SMYD3: variants seen among roughly 807,000 people sequenced by gnomAD.
The protein encoded by SMYD3 is histone-lysine N-methyltransferase SMYD3.
In SMYD3, 36 loss-of-function variants were observed where a neutral mutation model predicts 57.7. The ratio of observed to expected loss-of-function variants is 0.62; its 90% CI spans 0.48 to 0.82. The LOEUF (loss-of-function observed/expected upper bound fraction) is 0.82, where lower values mean the gene tolerates loss of function less well. Among genes scored for constraint, SMYD3 ranks in the 40% least tolerant of loss-of-function variants. The pLI is 0.00. For synonymous variants in SMYD3, 211 were observed against 195.0 expected (o/e 1.08, Z -0.68); for missense variants, 515 against 538.8 (o/e 0.96, Z 0.44).
At chr1:246,020,341 G>C (rs554882198) in intron 5 of SMYD3, among the ~76,000 whole-genome samples, 2 of 152,180 alleles carry the variant, frequency 1.3e-5, no homozygotes, top group African/African-American at 4.8e-5. Context: ...ACATTGGGGA[G>C]GCTTCTTGTG....
chr1:246,332,017 T>G (rs567094732), intron 3 of SMYD3, among the ~76,000 whole-genome samples: 4 of 152,200 alleles, frequency 2.6e-5, no homozygotes, highest in African/African-American at 4.8e-5. Context: ...TTCCCTCTCC[T>G]CAGGCCTCTG....
At chr1:246,466,052 G>A (rs553623434) in intron 1 of SMYD3, among the ~76,000 whole-genome samples, 6 of 152,338 alleles carry the variant, frequency 3.9e-5, no homozygotes, top group South Asian at 2.1e-4. Context: ...GATTAGAGGC[G>A]TGAGCCACTG....
intron 5 of SMYD3, among the ~76,000 whole-genome samples, chr1:245,933,015 A>G (rs79778020): frequency 0.012 from 1,844 of 152,302 alleles, 39 homozygotes; most frequent in African/African-American, 0.042. Context: ...TTTGACATAC[A>G]CAACTGATAG....
intron 5 of SMYD3, among the ~76,000 whole-genome samples, chr1:245,963,299 T>C (rs1448297498): frequency 1.3e-5 from 2 of 152,274 alleles, no homozygotes; most frequent in Non-Finnish European, 2.9e-5. Flanking sequence ...AATTCTTAGA[T>C]CTGCCAAAGA....
chr1:246,281,772 T>A (rs1286343329), intron 5 of SMYD3, among the ~76,000 whole-genome samples: 1 of 152,200 alleles, frequency 6.6e-6, no homozygotes, highest in East Asian at 1.9e-4. Flanking sequence ...AAGGCTTTGA[T>A]TCCTGAGCAC....
intron 1 of SMYD3, among the ~76,000 whole-genome samples, chr1:246,375,774 G>C (rs1480621049): frequency 6.6e-6 from 1 of 152,100 alleles, no homozygotes; most frequent in South Asian, 2.1e-4. Context: ...CTGTCACTCA[G>C]GCTGGAGTGC....
intron 10 of SMYD3, among the ~76,000 whole-genome samples, chr1:245,794,895 T>C (rs2047456521): frequency 1.3e-5 from 2 of 152,222 alleles, no homozygotes; most frequent in Non-Finnish European, 2.9e-5. Flanking sequence ...ATATTATCCA[T>C]TTTTTTCTCT....
At chr1:246,232,567 CT>C (rs2063430689) in intron 5 of SMYD3, among the ~76,000 whole-genome samples, 1 of 143,462 alleles carries the variant, frequency 7.0e-6, no homozygotes, top group Non-Finnish European at 1.5e-5. Context: ...AGAAGCGCTC[CT>C]CAATTCACAC....
chr1:246,005,257 G>A (rs2059149140), intron 5 of SMYD3, among the ~76,000 whole-genome samples: 1 of 152,254 alleles, frequency 6.6e-6, no homozygotes, highest in African/African-American at 2.4e-5. Context: ...TAATTAGCCA[G>A]ATAGAGCAAG....
At chr1:245,877,286 T>C (rs1048991393) in intron 8 of SMYD3, among the ~76,000 whole-genome samples, 2 of 152,028 alleles carry the variant, frequency 1.3e-5, no homozygotes, top group Non-Finnish European at 1.5e-5. Flanking sequence ...CCCAAAAACA[T>C]AAAGCTGAAT....
chr1:246,305,357 A>G (rs1006182666), intron 5 of SMYD3, among the ~76,000 whole-genome samples: 2 of 152,228 alleles, frequency 1.3e-5, no homozygotes, highest in African/African-American at 4.8e-5. Flanking sequence ...CCTCAGCAGA[A>G]GAGCTTCCTT....
chr1:246,066,297 TTGAATTTTCA>T (rs1196481606), intron 5 of SMYD3, among the ~76,000 whole-genome samples: 2 of 152,162 alleles, frequency 1.3e-5, no homozygotes, highest in African/African-American at 4.8e-5. Flanking sequence ...TCCTAAAAGG[TTGAATTTTCA>T]TGAATTAACA....
intron 1 of SMYD3, among the ~76,000 whole-genome samples, chr1:246,440,772 G>A (rs1045960701): frequency 6.6e-6 from 1 of 152,164 alleles, no homozygotes; most frequent in Non-Finnish European, 1.5e-5. Context: ...TTCACAGAAA[G>A]ATACAAGTTC....
chr1:246,475,598 A>T (rs1209254913), intron 1 of SMYD3, among the ~76,000 whole-genome samples: 2 of 151,896 alleles, frequency 1.3e-5, no homozygotes, highest in Non-Finnish European at 1.5e-5. Context: ...TTGAGTCGAG[A>T]TCACACCACT....
intron 5 of SMYD3, among the ~76,000 whole-genome samples, chr1:246,175,448 A>G (rs12097950): frequency 1.3e-5 from 2 of 152,184 alleles, no homozygotes; most frequent in African/African-American, 4.8e-5. Flanking sequence ...ATTTTTTCCT[A>G]TGCATAACCT....
intron 8 of SMYD3, among the ~76,000 whole-genome samples, chr1:245,906,205 C>T (rs181594551): frequency 5.5e-4 from 84 of 152,306 alleles, no homozygotes; most frequent in Admixed American, 5.2e-3. Context: ...AGCGAAGAGA[C>T]AACCCATGGA....
intron 5 of SMYD3, among the ~76,000 whole-genome samples, chr1:246,143,174 T>A (rs1362747207): frequency 6.8e-6 from 1 of 147,160 alleles, no homozygotes; most frequent in East Asian, 2.0e-4. Context: ...CAAACATGCA[T>A]CCTCCAATTA....
chr1:245,997,036 G>A (rs556094594), intron 5 of SMYD3, among the ~76,000 whole-genome samples: 1 of 152,366 alleles, frequency 6.6e-6, no homozygotes, highest in East Asian at 1.9e-4. Flanking sequence ...ATGCGCATAT[G>A]CTGCGTTTTT....
In SMYD3 at chr1:246,111,880, T is replaced by C. The variant is rs112966591; in HGVS notation, c.532-181943A>G. Among the ~76,000 whole-genome samples, 841 of 152,348 alleles carry C rather than the reference T, an allele frequency of 5.5e-3. 7 individuals are homozygous for C. The highest frequency in any genetic ancestry group is 0.019 in the African/African-American group (790 of 41,572). On this transcript the variant is annotated intron_variant, in intron 5 of 11. Transcript: ENST00000490107. ...CTTATGATAGACTTCAAGAGCTTCT[T>C]ATTAGCCAGCTGTTAATTCATACAA...
Sources: gnomAD v4.1 joint callset for allele counts (sites outside exome capture counted in the v4.1 genomes callset) on GRCh38, gnomAD v4.1.1 for gene constraint, MANE v1.5 for transcripts, NCBI Gene and HGNC (gene_info 2026-07-23, HGNC 2026-07-21) for gene names.